Variants in IP6K2 observed in about 807,000 individuals in gnomAD.
IP6K2 encodes inositol hexakisphosphate kinase 2.
A neutral mutation model predicts 43.3 loss-of-function variants in IP6K2; 9 were observed. The ratio of observed to expected loss-of-function variants is 0.21; its 90% CI spans 0.13 to 0.36. The LOEUF (loss-of-function observed/expected upper bound fraction) is 0.36. IP6K2 is among the 10% of genes least tolerant of loss of function. IP6K2 has a pLI of 1.00. For missense variants in IP6K2, 332 were observed against 538.4 expected, an observed-to-expected ratio of 0.62 and a Z score of 3.79; for synonymous variants, 209 against 202.4, an observed-to-expected ratio of 1.03 and a Z score of -0.28.
chr3:48,700,463 T>C (rs1479834460), intron 1 of IP6K2, among the ~76,000 whole-genome samples: 1 of 152,056 alleles, frequency 6.6e-6, no homozygotes, highest in African/African-American at 2.4e-5. Flanking sequence ...AGACAGGAAA[T>C]AACTGCAAAA....
intron 1 of IP6K2, among the ~76,000 whole-genome samples, chr3:48,704,711 G>C (rs2079496185): frequency 6.6e-6 from 1 of 152,156 alleles, no homozygotes; most frequent in African/African-American, 2.4e-5. Flanking sequence ...GAGTTCAAGT[G>C]ATCCTCCTGC....
chr3:48,694,498 C>T (rs1198490713), intron 2 of IP6K2: 2 of 1,545,258 alleles, frequency 1.3e-6, no homozygotes, highest in South Asian at 1.2e-5. Flanking sequence ...AACAAAGACC[C>T]CACCATGCTG....
chr3:48,706,176 C>T (rs993916408), intron 1 of IP6K2, among the ~76,000 whole-genome samples: 6 of 152,012 alleles, frequency 3.9e-5, no homozygotes, highest in Non-Finnish European at 8.8e-5. Context: ...CATTGCACTC[C>T]AGCCTGAGCT....
rs573904153 is a variant in IP6K2 at position 48,695,730 on chromosome 3, C to A, written c.-130-309G>T. ...AACTGATGCCATGGTGAGGTGAAATCACAATTTCAAGCCTAATATTTGGAT... is the reference window on the plus strand; with the variant it reads ...AACTGATGCCATGGTGAGGTGAAATAACAATTTCAAGCCTAATATTTGGAT... On this transcript the variant is annotated intron_variant, in intron 1 of 5. Coordinates refer to ENST00000328631, the MANE Select transcript of IP6K2 (RefSeq NM_016291.4). This position sits in a 1 kb window ranked among gnomAD's most constrained non-coding sequence, Gnocchi z 4.6. The A allele has an allele frequency of 1.2e-4, 33 of 277,760 alleles. No individual in the cohort carries two copies. Among genetic ancestry groups the A allele is most frequent in the African/African-American group, 6.5e-4 (30 of 45,974 alleles). 17.2% of individuals were successfully genotyped at this position (277,760 alleles called of 1,614,324 possible). A position where few individuals can be genotyped will look rare whatever the true frequency, so the allele number is the denominator to read the frequency against.
In IP6K2 at chr3:48,691,300, A is replaced by C. The variant is rs2077761280; in HGVS notation, c.604+7T>G. On this transcript the variant is annotated splice_region_variant and intron_variant, in intron 4 of 5. Coordinates refer to ENST00000328631, the MANE Select transcript of IP6K2 (RefSeq NM_016291.4). ...CAAATGCAGAGATGCCCGTGAACAA[A>C]GGATACTGTACTGGTTCCGATGCTT... 1.9e-6 allele frequency: 3 copies of C among 1,605,634 alleles called. No individual in the cohort carries two copies. Among genetic ancestry groups the C allele is most frequent in the Non-Finnish European group, 2.6e-6 (3 of 1,175,792 alleles).
At position 48,695,311 on chromosome 3, in the gene IP6K2, G is replaced by T; in HGVS notation, c.-20C>A. On this transcript the variant is annotated 5_prime_UTR_variant, in exon 2 of 6. Transcript: ENST00000328631. This position sits in a 1 kb window ranked among gnomAD's most constrained non-coding sequence, Gnocchi z 4.6. ...GCTCATCCTCCGGGCGCAGATGGCG[G>T]GGAGATGGGGGAGGCAGCGGAGTCC... 6.3e-7 allele frequency: 1 copy of T among 1,597,286 alleles called. No individual in the cohort carries two copies. Among genetic ancestry groups the T allele is most frequent in the Non-Finnish European group, 8.6e-7 (1 of 1,169,558 alleles).
rs536219203 is a variant in IP6K2 at position 48,691,977 on chromosome 3, C to T, written c.429-495G>A. ...CTCCTGTCTCAGCTGGGACTACAGG[C>T]GCATGCCACCACACCGGGCTAATTT... On this transcript the variant is annotated intron_variant, in intron 3 of 5. Coordinates refer to ENST00000328631, the MANE Select transcript of IP6K2 (RefSeq NM_016291.4). Among the ~76,000 whole-genome samples, 10 of 152,094 alleles carry T rather than the reference C, an allele frequency of 6.6e-5. No homozygotes were observed. In the South Asian group the frequency reaches 1.0e-3, roughly 16 times the overall value.
chr3:48,693,983 C>CTAACTAGTGTAGATCTCGG, intron 2 of IP6K2: 1 of 1,370,588 alleles, frequency 7.3e-7, no homozygotes, highest in Non-Finnish European at 9.4e-7. Context: ...TGCCGACGAG[C>CTAACTAGTGTAGATCTCGG]GCCTTACAAA....
intron 1 of IP6K2, among the ~76,000 whole-genome samples, chr3:48,713,627 G>A (rs1218662557): frequency 2.0e-5 from 3 of 152,182 alleles, no homozygotes; most frequent in Non-Finnish European, 2.9e-5. Flanking sequence ...ACATAGGAGT[G>A]TCTCAAGTAA....
At chr3:48,710,937 C>T (rs1428515262) in intron 1 of IP6K2, among the ~76,000 whole-genome samples, 2 of 151,940 alleles carry the variant, frequency 1.3e-5, no homozygotes, top group East Asian at 3.9e-4. Flanking sequence ...CACAGGGTCT[C>T]ACTCACGTCT....
At chr3:48,689,794 GC>G in intron 4 of IP6K2, 81 bp from the exon 5 acceptor site, 1 of 1,243,454 alleles carries the variant, frequency 8.0e-7, no homozygotes, top group Non-Finnish European at 1.1e-6. Flanking sequence ...GTGCCTTGAT[GC>G]AGTGACCCAG....
chr3:48,689,845 T>C (rs2077614577), intron 4 of IP6K2, 132 bp from the exon 5 acceptor site: 1 of 684,728 alleles, frequency 1.5e-6, no homozygotes, highest in Non-Finnish European at 2.4e-6. Context: ...AGTCCTGCCA[T>C]CCCCGACACA....
chr3:48,690,215 A>G (rs2106781854), intron 4 of IP6K2, among the ~76,000 whole-genome samples: 1 of 152,378 alleles, frequency 6.6e-6, no homozygotes, highest in East Asian at 1.9e-4. Context: ...TGCACAGACC[A>G]TTGACTCATT....
At chr3:48,715,553 A>G (rs577007395) in intron 1 of IP6K2, 3 of 1,249,154 alleles carry the variant, frequency 2.4e-6, no homozygotes, top group East Asian at 2.5e-5. Context: ...GAAATCTATT[A>G]TATCTGTTAC....
intron 4 of IP6K2, 24 bp from the exon 5 acceptor site, chr3:48,689,737 C>T: frequency 6.2e-7 from 1 of 1,607,022 alleles, no homozygotes; most frequent in South Asian, 1.1e-5. Context: ...AATAATACCC[C>T]CAAAAGGAAG....
intron 1 of IP6K2, among the ~76,000 whole-genome samples, chr3:48,707,626 C>T (rs1334376836): frequency 6.6e-6 from 1 of 152,086 alleles, no homozygotes; most frequent in Non-Finnish European, 1.5e-5. Context: ...TTAGTAAAGA[C>T]AGCGTTTTTC....
intron 4 of IP6K2, among the ~76,000 whole-genome samples, chr3:48,690,720 C>T (rs1238670512): frequency 2.1e-5 from 3 of 143,956 alleles, no homozygotes; most frequent in Non-Finnish European, 3.0e-5. Flanking sequence ...ACCTGGGAGA[C>T]GGAGGTTGCA....
rs560594952 is a variant in IP6K2, at chr3:48,704,048, C to T, written c.-130-8627G>A. ...CAGAGGCTGCAGTGACCGGAGATTG[C>T]GCCACTGCACTCTAGCCTGGCAACA... On this transcript the variant is annotated intron_variant, in intron 1 of 5. Transcript: ENST00000328631. 5.5e-4 allele frequency among the ~76,000 whole-genome samples: 83 copies of T among 152,060 alleles called. 1 individual carries two copies. Among genetic ancestry groups the T allele is most frequent in the Admixed American group, 2.4e-3 (37 of 15,264 alleles).
chr3:48,693,125 G>A lies in IP6K2; in HGVS notation c.257C>T (p.Ala86Val). The A allele has an allele frequency of 6.2e-7, 1 of 1,614,234 alleles. No homozygotes were observed. The highest frequency in any genetic ancestry group is 8.5e-7 in the Non-Finnish European group (1 of 1,180,044). The change falls in exon 3 of 6, where the codon GCA (alanine) becomes GTA (valine). Residue 86 changes from alanine to valine, a missense_variant. Coordinates refer to ENST00000328631, the MANE Select transcript of IP6K2 (RefSeq NM_016291.4). ...EDEDRNLCLI[A>V]YPLKGDHGIV... ...TCCATGGTCCCCTTTCAATGGATAT[G>A]CTATTAGACACAAGTTCCTGTCTTC...
Sources: allele counts gnomAD v4.1 joint callset (sites outside exome capture counted in the v4.1 genomes callset), GRCh38; gene constraint gnomAD v4.1.1; non-coding constraint Gnocchi (gnomAD v3.1); transcripts MANE v1.5; gene names NCBI Gene and HGNC (gene_info 2026-07-23, HGNC 2026-07-21).